Variants in ZNF480 observed in about 807,000 individuals in gnomAD.
The protein encoded by ZNF480 is zinc finger protein 480.
Under a neutral mutation model 14.4 loss-of-function variants are expected in ZNF480, and 15 were observed. That is an observed-to-expected ratio of 1.04 (90% confidence interval 0.70 to 1.60). The LOEUF (loss-of-function observed/expected upper bound fraction) is 1.60, where lower values mean the gene tolerates loss of function less well. Among genes scored for constraint, ZNF480 ranks in the 40% most tolerant of loss-of-function variants. The pLI, the probability that ZNF480 is intolerant of heterozygous loss-of-function variation, is 0.00. For synonymous variants in ZNF480, 218 were observed against 215.5 expected (o/e 1.01, Z -0.10); for missense variants, 593 against 629.7 (o/e 0.94, Z 0.62).
chr19:52,301,959 G>T (rs1334179086), intron 2 of ZNF480: 18 of 163,236 alleles, frequency 1.1e-4, no homozygotes, highest in Non-Finnish European at 2.4e-4. Context: ...TGATTAGGGA[G>T]ATCAAGTTTT....
At chr19:52,308,491 G>A (rs1983091473) in intron 2 of ZNF480, among the ~76,000 whole-genome samples, 1 of 151,810 alleles carries the variant, frequency 6.6e-6, no homozygotes, top group Admixed American at 6.6e-5. Context: ...ATTTTTATTA[G>A]AGATGGGGTT....
rs1415396200 is a variant in ZNF480, at chr19:52,325,794, T to A, written c.*2936T>A. ...GGTTGGGAAGAGGATGAAGATTGAATAACTGCCTGTTGGGTACTATGCTGA... is the reference window on the plus strand; with the variant it reads ...GGTTGGGAAGAGGATGAAGATTGAAAAACTGCCTGTTGGGTACTATGCTGA... On this transcript the variant is annotated 3_prime_UTR_variant, in exon 5 of 5. Transcript: ENST00000595962. The A allele has an allele frequency of 6.6e-6, 1 of 152,234 alleles. No individual in the cohort carries two copies. The highest frequency in any genetic ancestry group is 1.5e-5 in the Non-Finnish European group (1 of 68,052). The allele number at this position is 152,234 out of a possible 1,614,324, so 9.4% of individuals were successfully genotyped here.
intron 2 of ZNF480, chr19:52,301,432 C>G (rs1229033566): frequency 1.3e-5 from 2 of 152,182 alleles, no homozygotes; most frequent in African/African-American, 4.8e-5. Flanking sequence ...TCTCTTAACT[C>G]TTTCCTACTC....
rs1237989838 is a variant in ZNF480 at position 52,322,036 on chromosome 19, T to A, written c.786T>A (p.Asn262Lys). Residue 262 changes from asparagine (N) to lysine (K), a missense_variant, in exon 5 of 5, where the codon AAT becomes AAA. Transcript: ENST00000595962. Reference protein sequence around the residue: ...IHTGEKPYKCNVCGKVFSYNS... With the variant: ...IHTGEKPYKCKVCGKVFSYNS... ...CTGGAGAGAAACCTTACAAATGTAA[T>A]GTCTGTGGCAAGGTTTTTAGTTACA... The A allele has an allele frequency of 6.8e-6, 11 of 1,613,960 alleles. No individual in the cohort carries two copies. The highest frequency in any genetic ancestry group is 1.6e-4 in the Middle Eastern group (1 of 6,084).
At chr19:52,298,564 G>A (rs1296065682) in intron 1 of ZNF480, among the ~76,000 whole-genome samples, 23 of 152,044 alleles carry the variant, frequency 1.5e-4, no homozygotes, top group Admixed American at 1.4e-3. Context: ...CCGGGAGGCG[G>A]AGGTTGCAGT....
At chr19:52,313,113 G>A (rs866360231) in intron 2 of ZNF480, among the ~76,000 whole-genome samples, 35 of 149,702 alleles carry the variant, frequency 2.3e-4, no homozygotes, top group Middle Eastern at 3.5e-3. Context: ...GAGCCACCGC[G>A]CCCAGCCTAT....
intron 4 of ZNF480, 42 bp downstream of exon 4, chr19:52,316,004 T>C: frequency 6.6e-7 from 1 of 1,511,646 alleles, no homozygotes; most frequent in Admixed American, 2.2e-5. Context: ...TGCTGTTGTT[T>C]GGGCTTTTTT....
chr19:52,302,901 G>A (rs145968158), intron 2 of ZNF480, among the ~76,000 whole-genome samples: 26 of 152,314 alleles, frequency 1.7e-4, no homozygotes, highest in South Asian at 1.0e-3. Context: ...TAGGCGATCA[G>A]CCATTTGATT....
intron 2 of ZNF480, among the ~76,000 whole-genome samples, chr19:52,304,899 C>A (rs1233535285): frequency 2.0e-5 from 3 of 151,932 alleles, no homozygotes; most frequent in Non-Finnish European, 4.4e-5. Context: ...GAGTTTGAGA[C>A]CATCCTGGCC....
intron 2 of ZNF480, among the ~76,000 whole-genome samples, chr19:52,313,160 A>C (rs2122543117): frequency 1.5e-5 from 2 of 129,600 alleles, no homozygotes; most frequent in South Asian, 4.9e-4. Context: ...TTGTGAGATG[A>C]AGTCTCACTC....
In ZNF480 at chr19:52,325,131, C is replaced by T. The variant is rs778001187; in HGVS notation, c.*2273C>T. ...TGAATAGACCTTTCTCAAAAGAATACATACATGTGGCAATAAGCATATGAA... is the reference window on the plus strand; with the variant it reads ...TGAATAGACCTTTCTCAAAAGAATATATACATGTGGCAATAAGCATATGAA... On this transcript the variant is annotated 3_prime_UTR_variant, in exon 5 of 5. Transcript: ENST00000595962. 2.0e-5 allele frequency: 3 copies of T among 152,152 alleles called. No homozygotes were observed. Among genetic ancestry groups the T allele is most frequent in the Non-Finnish European group, 4.4e-5 (3 of 68,026 alleles). 9.4% of individuals were successfully genotyped at this position (152,152 alleles called of 1,614,324 possible).
intron 2 of ZNF480, among the ~76,000 whole-genome samples, chr19:52,310,964 C>CA (rs1383472084): frequency 2.8e-5 from 4 of 140,602 alleles, no homozygotes; most frequent in Admixed American, 2.2e-4. Context: ...AAGATCACGC[C>CA]ACTGGACTCC....
chr19:52,304,212 C>T (rs144770497), intron 2 of ZNF480, among the ~76,000 whole-genome samples: 276 of 152,300 alleles, frequency 1.8e-3, no homozygotes, highest in Middle Eastern at 6.8e-3. Flanking sequence ...AAATGCAAAC[C>T]GTTCACAGCC....
rs537121007 is a variant in ZNF480, at chr19:52,320,880, A to G, written c.329-699A>G. ...TAGACCCAGCTACTCAGGAGGCTGA[A>G]GCAGGAGAGATCGCTTGAGCTGGGG... is the stretch of plus-strand genomic sequence containing the variant. On this transcript the variant is annotated intron_variant, in intron 4 of 4. Coordinates refer to ENST00000595962, the MANE Select transcript of ZNF480 (RefSeq NM_144684.4). Among the ~76,000 whole-genome samples the G allele has an allele frequency of 2.6e-5, 4 of 152,264 alleles. No homozygotes were observed. In the East Asian group the frequency reaches 7.7e-4, roughly 29 times the overall value.
intron 2 of ZNF480, among the ~76,000 whole-genome samples, chr19:52,311,300 A>C (rs1318048757): frequency 6.6e-6 from 1 of 151,926 alleles, no homozygotes; most frequent in Non-Finnish European, 1.5e-5. Context: ...CCTAGGCAAC[A>C]TACTGAAACC....
In ZNF480 at chr19:52,315,867, T is replaced by C. The variant is rs1395889497; in HGVS notation, c.233T>C (p.Met78Thr). The change falls in exon 4 of 5, where the codon ATG (methionine) becomes ACG (threonine). Residue 78 changes from methionine (M) to threonine (T), a missense_variant. Transcript: ENST00000595962. ...CTTCCTGACCTGAATATTAACTCCA[T>C]GTTGGAGCAAAGGAGGGAGCCCTGG... ...ISLPDLNINS[M>T]LEQRREPWSG... The C allele has an allele frequency of 6.2e-7, 1 of 1,612,974 alleles. No individual in the cohort carries two copies. The highest frequency in any genetic ancestry group is 8.5e-7 in the Non-Finnish European group (1 of 1,179,362).
chr19:52,306,553 G>A (rs780076834), intron 2 of ZNF480, among the ~76,000 whole-genome samples: 1 of 152,218 alleles, frequency 6.6e-6, no homozygotes, highest in Non-Finnish European at 1.5e-5. Context: ...AACTGAGCAG[G>A]AGTTAGACAA....
At chr19:52,314,494 A>C (rs1327971634) in intron 3 of ZNF480, among the ~76,000 whole-genome samples, 1 of 150,894 alleles carries the variant, frequency 6.6e-6, no homozygotes, top group Non-Finnish European at 1.5e-5. Context: ...AAAAAAAAAA[A>C]AAAACCAAAA....
chr19:52,302,299 A>G (rs924352087), intron 2 of ZNF480, among the ~76,000 whole-genome samples: 2 of 152,238 alleles, frequency 1.3e-5, no homozygotes, highest in Non-Finnish European at 1.5e-5. Flanking sequence ...AGGCTCAAAA[A>G]ATTTAAAGTC....
Sources: gnomAD v4.1 joint callset for allele counts (sites outside exome capture counted in the v4.1 genomes callset) on GRCh38, gnomAD v4.1.1 for gene constraint, MANE v1.5 for transcripts, NCBI Gene and HGNC (gene_info 2026-07-23, HGNC 2026-07-21) for gene names.